The following CACNA1I variants were observed in gnomAD, a reference collection of about 807,000 sequenced individuals.
The protein encoded by CACNA1I is voltage-dependent T-type calcium channel subunit alpha-1I.
A neutral mutation model predicts 201.6 loss-of-function variants in CACNA1I; 74 were observed. The ratio of observed to expected loss-of-function variants is 0.37; its 90% confidence interval spans 0.30 to 0.45. CACNA1I has a LOEUF of 0.45. Ranked by LOEUF, CACNA1I falls within the 20% of genes least tolerant of loss-of-function variation. CACNA1I has a pLI of 1.00. For synonymous variants in CACNA1I, 1,431 were observed against 1,345.2 expected (o/e 1.06, Z -1.40); for missense variants, 2,346 against 3,138.1 (o/e 0.75, Z 6.03).
intron 3 of CACNA1I, among the ~76,000 whole-genome samples, chr22:39,606,139 C>A (rs1349755847): frequency 2.0e-5 from 3 of 152,178 alleles, no homozygotes; most frequent in African/African-American, 7.2e-5. Flanking sequence ...CTGTCCCTGG[C>A]AGGAGAACGG....
chr22:39,655,615 T>C (rs1340951325), intron 10 of CACNA1I, among the ~76,000 whole-genome samples: 2 of 152,168 alleles, frequency 1.3e-5, no homozygotes, highest in African/African-American at 4.8e-5. Context: ...CCTGTCTCCA[T>C]GTCTCCATCT....
In CACNA1I at chr22:39,659,561, G is replaced by A. The variant is rs180819944; in HGVS notation, c.2448+11G>A. 103 of 1,603,044 alleles carry A rather than the reference G, an allele frequency of 6.4e-5. No homozygotes were observed. Among genetic ancestry groups the A allele is most frequent in the East Asian group, 5.4e-4 (24 of 44,716 alleles). On this transcript the variant is annotated intron_variant, in intron 13 of 36. Transcript: ENST00000402142. The surrounding 1 kb of genome is among the most constrained non-coding windows in gnomAD (Gnocchi z 4.3). ...GTCACTGTGTTCCAGGTGAGTGGCC[G>A]CTGCGTGTTCATGTTTGCTGGGGAA...
intron 26 of CACNA1I, among the ~76,000 whole-genome samples, chr22:39,671,470 G>A (rs533375062): frequency 1.3e-5 from 2 of 152,262 alleles, no homozygotes; most frequent in East Asian, 3.9e-4. Context: ...CTGGGTATAT[G>A]GAGACGAGGC....
chr22:39,592,587 G>A (rs979842952), intron 1 of CACNA1I, among the ~76,000 whole-genome samples: 7 of 152,206 alleles, frequency 4.6e-5, no homozygotes, highest in Non-Finnish European at 8.8e-5. Flanking sequence ...TTGGATGCCC[G>A]TCGCAGGGCT....
chr22:39,644,494 A>C (rs1002962132), intron 7 of CACNA1I, among the ~76,000 whole-genome samples: 1 of 152,234 alleles, frequency 6.6e-6, no homozygotes, highest in Admixed American at 6.5e-5. Flanking sequence ...CAGGACGATG[A>C]GTGCTGGCGA....
intron 1 of CACNA1I, among the ~76,000 whole-genome samples, chr22:39,573,567 C>T (rs572043638): frequency 6.6e-6 from 1 of 152,164 alleles, no homozygotes; most frequent in Non-Finnish European, 1.5e-5. Flanking sequence ...CGAATCACCC[C>T]TTCCAGCCCT....
chr22:39,662,710 C>T (rs1000679896), intron 17 of CACNA1I, 66 bp from the exon 18 acceptor site: 3 of 1,201,942 alleles, frequency 2.5e-6, no homozygotes, highest in Non-Finnish European at 2.4e-6. Context: ...GCGCGATGGC[C>T]GCATGGGCGG....
At chr22:39,599,964 G>A (rs964883632) in intron 2 of CACNA1I, among the ~76,000 whole-genome samples, 16 of 152,248 alleles carry the variant, frequency 1.1e-4, no homozygotes, top group African/African-American at 3.4e-4. Flanking sequence ...CAACACTGAG[G>A]CCTGTGCCTG....
chr22:39,644,731 A>G (rs1934436105), intron 7 of CACNA1I, among the ~76,000 whole-genome samples: 1 of 151,152 alleles, frequency 6.6e-6, no homozygotes, highest in South Asian at 2.1e-4. Context: ...TCTGTTGCCC[A>G]GGCTGGAGTG....
chr22:39,636,061 G>A (rs1934210436), intron 5 of CACNA1I, among the ~76,000 whole-genome samples: 1 of 152,226 alleles, frequency 6.6e-6, no homozygotes, highest in East Asian at 1.9e-4. Context: ...GCAGGGCTTG[G>A]CACAGGTGCT....
chr22:39,669,267 G>A (rs1935291720), intron 24 of CACNA1I, among the ~76,000 whole-genome samples: 1 of 152,212 alleles, frequency 6.6e-6, no homozygotes, highest in Non-Finnish European at 1.5e-5. Flanking sequence ...AGGCTCTGGA[G>A]CTGGACGTGG....
At chr22:39,674,957 A>G (rs1289784615) in intron 29 of CACNA1I, among the ~76,000 whole-genome samples, 1 of 152,254 alleles carries the variant, frequency 6.6e-6, no homozygotes, top group Non-Finnish European at 1.5e-5. Context: ...GTATAAAGGG[A>G]AAGTGGCATG....
chr22:39,599,073 T>C (rs1025345230), intron 2 of CACNA1I, among the ~76,000 whole-genome samples: 44 of 147,722 alleles, frequency 3.0e-4, no homozygotes, highest in Admixed American at 3.4e-4. Flanking sequence ...CTCAGCCTCC[T>C]GAGCAGCTGG....
At chr22:39,642,524 C>T (rs1177513368) in intron 6 of CACNA1I, among the ~76,000 whole-genome samples, 8 of 152,200 alleles carry the variant, frequency 5.3e-5, no homozygotes, top group Admixed American at 6.5e-5. Context: ...CCAGCCCTCC[C>T]GCTGGTGTGG....
Position 39,584,735 on chromosome 22 carries a change from G to A in CACNA1I, c.237-13416G>A, listed in dbSNP as rs1250471679. On this transcript the variant is annotated intron_variant, in intron 1 of 36. Coordinates refer to ENST00000402142, the MANE Select transcript of CACNA1I (RefSeq NM_021096.4). ...TGGGCACAAGTTGCATATTTGTTTT[G>A]ACTGACCCCTGACTGAAGTTTAGCA... Among the ~76,000 whole-genome samples the A allele has an allele frequency of 3.3e-5, 5 of 152,296 alleles. No homozygotes were observed. The East Asian group carries it at 7.7e-4, about 24-fold the overall frequency.
Position 39,666,943 on chromosome 22 carries a change from A to AC in CACNA1I, c.4104+942dup. 6.6e-6 allele frequency among the ~76,000 whole-genome samples: 1 copy of AC among 151,962 alleles called. No homozygotes were observed. Among genetic ancestry groups the AC allele is most frequent in the Non-Finnish European group, 1.5e-5 (1 of 67,930 alleles). ...GCGGCCTTTTGTGCCCGTGCTCCTG[A>AC]CCCCCTTCACCTATGGGCCCCGCCC... On this transcript the variant is annotated intron_variant, in intron 23 of 36. Coordinates refer to ENST00000402142, the MANE Select transcript of CACNA1I (RefSeq NM_021096.4). This position sits in a 1 kb window ranked among gnomAD's most constrained non-coding sequence, Gnocchi z 4.1.
At chr22:39,572,977 G>A (rs953466168) in intron 1 of CACNA1I, among the ~76,000 whole-genome samples, 2 of 151,950 alleles carry the variant, frequency 1.3e-5, no homozygotes, top group Non-Finnish European at 2.9e-5. Context: ...GGCTGGTCTC[G>A]AACTCCTGAC....
chr22:39,641,998 A>C (rs913216679), intron 6 of CACNA1I, among the ~76,000 whole-genome samples: 1 of 152,072 alleles, frequency 6.6e-6, no homozygotes, highest in African/African-American at 2.4e-5. Context: ...TGCTGTCCTC[A>C]GAAAGAAGGG....
At chr22:39,656,395 T>G (rs1302126116) in intron 10 of CACNA1I, 4 of 518,844 alleles carry the variant, frequency 7.7e-6, no homozygotes, top group Non-Finnish European at 1.5e-5. Context: ...CAGCTCTCTC[T>G]TAGCTTTTAG....
Sources: allele counts gnomAD v4.1 joint callset (sites outside exome capture counted in the v4.1 genomes callset), GRCh38; gene constraint gnomAD v4.1.1; non-coding constraint Gnocchi (gnomAD v3.1); transcripts MANE v1.5; gene names NCBI Gene and HGNC (gene_info 2026-07-23, HGNC 2026-07-21).